The following ROS1 variants were observed in gnomAD, a reference collection of about 807,000 sequenced individuals.
The protein encoded by ROS1 is ROS proto-oncogene 1, receptor tyrosine kinase.
ROS1 carries 263 observed loss-of-function variants against 273.5 expected under a neutral mutation model. That is an observed-to-expected ratio of 0.96 (90% CI 0.87 to 1.06). The LOEUF is 1.06. Ranked by LOEUF, ROS1 falls within the 50% of genes least tolerant of loss-of-function variation. ROS1 has a pLI of 0.00. For missense variants in ROS1, 2,833 were observed against 2,751.1 expected, an observed-to-expected ratio of 1.03 and a Z score of -0.67; for synonymous variants, 1,008 against 954.1, an observed-to-expected ratio of 1.06 and a Z score of -1.04.
rs761749336 is a variant in ROS1, at chr6:117,385,703, A to T, written c.2269T>A (p.Trp757Arg). Residue 757 changes from tryptophan to arginine, a missense_variant, in exon 16 of 44, where the codon TGG becomes AGG. Trp to Arg is a moderately radical substitution (Grantham distance 101, BLOSUM62 -3). Coordinates refer to ENST00000368507, the MANE Select transcript of ROS1 (RefSeq NM_001378902.1). ...CTCACCACATATGTCTTTCCAGCCC[A>T]GTAGAGAAAGTGACCCAGCCACTCA... ...AFEWLGHFLY[W>R]AGKTYVIQRQ... 9.3e-6 allele frequency: 15 copies of T among 1,614,062 alleles called. No homozygotes were observed. The highest frequency in any genetic ancestry group is 2.7e-5 in the African/African-American group (2 of 75,004).
chr6:117,351,564 C>T (rs776563162), intron 27 of ROS1, among the ~76,000 whole-genome samples: 3 of 152,164 alleles, frequency 2.0e-5, no homozygotes, highest in Non-Finnish European at 4.4e-5. Flanking sequence ...GAGCCTCAAG[C>T]AATTCATCAA....
chr6:117,365,684 C>T lies in ROS1; in HGVS notation c.2855G>A (p.Arg952Lys), dbSNP rs771104079. 5 of 1,611,668 alleles carry T rather than the reference C, an allele frequency of 3.1e-6. No individual in the cohort carries two copies. In the South Asian group the frequency reaches 5.5e-5, roughly 18 times the overall value. The change falls in exon 20 of 44, where the codon AGG becomes AAG. Residue 952 changes from arginine to lysine, a missense_variant. Arg to Lys is a conservative substitution (Grantham distance 26, BLOSUM62 2). Transcript: ENST00000368507. ...IPDSVQESSF[R>K]IEGNASSFQI... Reference sequence around the variant, plus strand: ...AAAACTTGAAGCATTTCCTTCAATCCTAAATGAAGACTCTTGAACAGAATC... The same window carrying T: ...AAAACTTGAAGCATTTCCTTCAATCTTAAATGAAGACTCTTGAACAGAATC...
rs1404422669 is a variant in ROS1, at chr6:117,341,765, C to T, written c.4652-133G>A. 5 of 672,044 alleles carry T rather than the reference C, an allele frequency of 7.4e-6. No homozygotes were observed. In the Admixed American group the frequency reaches 1.1e-4, roughly 15 times the overall value. 41.6% of individuals were successfully genotyped at this position (672,044 alleles called of 1,614,324 possible). A position where few individuals can be genotyped will look rare whatever the true frequency, so the allele number is the denominator to read the frequency against. On this transcript the variant is annotated intron_variant, in intron 29 of 43. Transcript: ENST00000368507. ...AATAACACATGTCCAGAAAGAAAGTCAGCCTCTTCTATAATCGTAGGTTAA... is the reference window on the plus strand; with the variant it reads ...AATAACACATGTCCAGAAAGAAAGTTAGCCTCTTCTATAATCGTAGGTTAA...
intron 42 of ROS1, among the ~76,000 whole-genome samples, chr6:117,308,130 C>T (rs914451315): frequency 6.6e-6 from 1 of 152,122 alleles, no homozygotes; most frequent in Non-Finnish European, 1.5e-5. Context: ...AATATTTCTG[C>T]TGATACTTTC....
intron 32 of ROS1, 23 bp from the exon 33 acceptor site, chr6:117,329,469 T>C (rs759092084): frequency 1.1e-5 from 12 of 1,083,684 alleles, no homozygotes; most frequent in African/African-American, 1.6e-5. Flanking sequence ...AAAGAAAATA[T>C]TGGTTGATAT....
At chr6:117,404,730 A>AT (rs1401691143) in intron 5 of ROS1, among the ~76,000 whole-genome samples, 1 of 152,180 alleles carries the variant, frequency 6.6e-6, no homozygotes, top group East Asian at 1.9e-4. Context: ...TTCTCTTTCA[A>AT]TACCACTCTC....
At chr6:117,310,985 T>A in intron 40 of ROS1, 35 bp downstream of exon 40, 1 of 1,333,572 alleles carries the variant, frequency 7.5e-7, no homozygotes, top group South Asian at 1.2e-5. Flanking sequence ...TGTGCCAATA[T>A]CCGTAATAAC....
chr6:117,333,339 G>C (rs1582648799), intron 32 of ROS1, among the ~76,000 whole-genome samples: 1 of 152,168 alleles, frequency 6.6e-6, no homozygotes, highest in East Asian at 1.9e-4. Flanking sequence ...CTCTGGAATG[G>C]AGGCAGTAAT....
chr6:117,332,323 A>C (rs1248563496), intron 32 of ROS1, among the ~76,000 whole-genome samples: 1 of 152,226 alleles, frequency 6.6e-6, no homozygotes, highest in Admixed American at 6.5e-5. Flanking sequence ...CACCCAATAC[A>C]AGAGCACCCA....
At chr6:117,367,573 A>G (rs1180829379) in intron 18 of ROS1, among the ~76,000 whole-genome samples, 2 of 152,214 alleles carry the variant, frequency 1.3e-5, no homozygotes, top group East Asian at 3.9e-4. Context: ...GCATGCCCAC[A>G]TGACTATTCT....
intron 42 of ROS1, chr6:117,301,453 G>A (rs1774718328): frequency 4.9e-6 from 1 of 202,584 alleles, no homozygotes; most frequent in African/African-American, 2.4e-5. Flanking sequence ...GGTCTCCTGT[G>A]AGGGTGATCT....
Position 117,362,633 on chromosome 6 carries a change from G to A in ROS1, c.3336C>T (p.Gly1112=). 1 of 1,613,466 alleles carries A rather than the reference G, an allele frequency of 6.2e-7. No individual in the cohort carries two copies. The highest frequency in any genetic ancestry group is 2.2e-5 in the East Asian group (1 of 44,864). ...AGGCAATAAAGCATCTGGGACTCAT[G>A]CCTTCAAGTTGAAAAGACATCACTG... ...TPSVMSFQLE[G]MSPRCFIAFQ... is the part of the protein sequence containing the mutation. The change falls in exon 22 of 44, where the codon GGC becomes GGT. Residue 1112 remains glycine, a synonymous_variant. Coordinates refer to ENST00000368507, the MANE Select transcript of ROS1 (RefSeq NM_001378902.1).
intron 4 of ROS1, 149 bp downstream of exon 4, chr6:117,414,370 C>G: frequency 1.6e-6 from 1 of 629,186 alleles, no homozygotes; most frequent in East Asian, 3.0e-5. Flanking sequence ...TTACAGTCAT[C>G]TGTATACTCA....
chr6:117,354,784 T>A (rs1186791841), intron 26 of ROS1, among the ~76,000 whole-genome samples: 1 of 152,176 alleles, frequency 6.6e-6, no homozygotes, highest in African/African-American at 2.4e-5. Flanking sequence ...AAGAAAAAAA[T>A]TATTCTGACA....
At chr6:117,384,712 C>T (rs1015011809) in intron 16 of ROS1, among the ~76,000 whole-genome samples, 9 of 152,192 alleles carry the variant, frequency 5.9e-5, no homozygotes, top group Non-Finnish European at 1.2e-4. Context: ...CACCCTTCTC[C>T]ACCCTACTCT....
At chr6:117,322,370 T>C (rs905288693) in intron 35 of ROS1, among the ~76,000 whole-genome samples, 1 of 152,160 alleles carries the variant, frequency 6.6e-6, no homozygotes, top group Admixed American at 6.6e-5. Flanking sequence ...ATATCTGAAC[T>C]TGAAAGACTA....
At chr6:117,327,058 A>G (rs1776692740) in intron 33 of ROS1, among the ~76,000 whole-genome samples, 1 of 152,218 alleles carries the variant, frequency 6.6e-6, no homozygotes, top group Non-Finnish European at 1.5e-5. Flanking sequence ...GTCTTCCATT[A>G]TGTCTTCTCT....
chr6:117,415,199 C>T (rs974090023), intron 3 of ROS1, among the ~76,000 whole-genome samples: 4 of 152,176 alleles, frequency 2.6e-5, no homozygotes, highest in Non-Finnish European at 5.9e-5. Context: ...GCCACTAAGT[C>T]CAGATAGCAC....
At chr6:117,304,544 G>A (rs906014650) in intron 42 of ROS1, among the ~76,000 whole-genome samples, 5 of 152,120 alleles carry the variant, frequency 3.3e-5, no homozygotes, top group Non-Finnish European at 7.4e-5. Flanking sequence ...ATATTTAAAG[G>A]AAAATTCCAG....
Sources: allele counts gnomAD v4.1 joint callset (sites outside exome capture counted in the v4.1 genomes callset), GRCh38; gene constraint gnomAD v4.1.1; transcripts MANE v1.5; gene names NCBI Gene and HGNC (gene_info 2026-07-23, HGNC 2026-07-21).